The following ABCC5 variants were observed in gnomAD, a reference collection of about 807,000 sequenced individuals.
ABCC5 encodes the protein ATP binding cassette subfamily C member 5, also known as ATP-binding cassette sub-family C member 5.
ABCC5 carries 61 observed loss-of-function variants against 160.9 expected under a neutral mutation model. The ratio of observed to expected loss-of-function variants is 0.38; its 90% confidence interval spans 0.31 to 0.47. The LOEUF is 0.47. Among genes scored for constraint, ABCC5 ranks in the 20% least tolerant of loss-of-function variants. The pLI is 0.99. For missense variants in ABCC5, 1,308 were observed against 1,813.3 expected, an observed-to-expected ratio of 0.72 and a Z score of 5.06; for synonymous variants, 666 against 700.6, an observed-to-expected ratio of 0.95 and a Z score of 0.78.
At position 183,945,934 on chromosome 3, in the gene ABCC5, C is replaced by A. The variant is rs767311011; in HGVS notation, c.3420G>T (p.Thr1140=). The A allele has an allele frequency of 9.3e-6, 15 of 1,613,870 alleles. No homozygotes were observed. The highest frequency in any genetic ancestry group is 1.2e-5 in the Non-Finnish European group (14 of 1,179,796). The change falls in exon 24 of 30, where the codon ACG becomes ACT. Residue 1140 remains threonine (T), a synonymous_variant. Transcript: ENST00000334444. ...GLAISYAVQL[T]GLFQFTVRLA... ...GTCTGACCGTAAACTGGAACAGCCC[C>A]GTTAACTGATAATGGAAAACAACAA...
At chr3:183,945,802 G>A (rs974301782) in intron 24 of ABCC5, 48 bp downstream of exon 24, 9 of 1,527,410 alleles carry the variant, frequency 5.9e-6, no homozygotes, top group Non-Finnish European at 8.2e-6. Flanking sequence ...AGGGTAAACC[G>A]ACTCCAAGAG....
At position 183,981,866 on chromosome 3, in the gene ABCC5, T is replaced by C. The variant is rs750114545; in HGVS notation, c.1008A>G (p.Ala336=). 2.5e-6 allele frequency: 4 copies of C among 1,596,028 alleles called. No individual in the cohort carries two copies. In the African/African-American group the frequency reaches 4.1e-5, roughly 16 times the overall value. Residue 336 remains alanine, a synonymous_variant, in exon 8 of 30, where the codon GCA becomes GCG. Coordinates refer to ENST00000334444, the MANE Select transcript of ABCC5 (RefSeq NM_005688.4). The part of the protein sequence containing the change: ...FILFYPAMMF[A]SRLTAYFRRK... The stretch of plus-strand genomic sequence containing the variant: ...TCCTGAAATATGCTGTGAGCCGTGA[T>C]GCAAACATCTGAAAGGAAAAGCGAT...
At position 183,959,717 on chromosome 3, in the gene ABCC5, C is replaced by CA. The variant is rs1716549934; in HGVS notation, c.2482+15dup. On this transcript the variant is annotated intron_variant, in intron 17 of 29. Coordinates refer to ENST00000334444, the MANE Select transcript of ABCC5 (RefSeq NM_005688.4). Reference sequence around the variant, plus strand: ...ACTTTGATGACAAATCTAAAAATTTCAAAAAAGGCCATTACCTTCCTCTGG... The same window carrying CA: ...ACTTTGATGACAAATCTAAAAATTTCAAAAAAAGGCCATTACCTTCCTCTGG... 7.0e-6 allele frequency: 11 copies of CA among 1,574,602 alleles called. No individual in the cohort carries two copies. The highest frequency in any genetic ancestry group is 1.2e-5 in the South Asian group (1 of 85,606).
At chr3:183,969,127 C>T (rs1028381010) in intron 11 of ABCC5, among the ~76,000 whole-genome samples, 2 of 152,030 alleles carry the variant, frequency 1.3e-5, no homozygotes, top group Non-Finnish European at 2.9e-5. Flanking sequence ...GAGAAAAATG[C>T]CTGGTGCACA....
chr3:183,927,713 A>C (rs1209618397), intron 27 of ABCC5: 3 of 985,298 alleles, frequency 3.0e-6, no homozygotes, highest in South Asian at 4.7e-5. Context: ...AAATCCAGTC[A>C]CATAGTGGGC....
In ABCC5 at chr3:184,014,409, T is replaced by A. The variant is rs1200363853; in HGVS notation, c.-17A>T. 6.2e-7 allele frequency: 1 copy of A among 1,602,184 alleles called. No individual in the cohort carries two copies. Among genetic ancestry groups the A allele is most frequent in the Non-Finnish European group, 8.5e-7 (1 of 1,175,742 alleles). Reference sequence around the variant, plus strand: ...ATCCTTCATCTTCTCTGAGTGGAGGTTCCAGGGCTCACAGACTGTTAGTTT... The same window carrying A: ...ATCCTTCATCTTCTCTGAGTGGAGGATCCAGGGCTCACAGACTGTTAGTTT... On this transcript the variant is annotated 5_prime_UTR_variant, in exon 2 of 30. Coordinates refer to ENST00000334444, the MANE Select transcript of ABCC5 (RefSeq NM_005688.4).
chr3:183,970,725 C>T (rs1048565341), intron 11 of ABCC5, among the ~76,000 whole-genome samples: 120 of 152,166 alleles, frequency 7.9e-4, no homozygotes, highest in African/African-American at 2.8e-3. Flanking sequence ...GCATGAGCCA[C>T]CATGCCCAGC....
At chr3:184,013,688 T>C (rs1324342058) in intron 2 of ABCC5, among the ~76,000 whole-genome samples, 1 of 152,170 alleles carries the variant, frequency 6.6e-6, no homozygotes, top group Non-Finnish European at 1.5e-5. Flanking sequence ...ATAAGTTGTC[T>C]TCTGTTAAGT....
At chr3:183,994,269 T>C (rs912501442) in intron 2 of ABCC5, among the ~76,000 whole-genome samples, 1 of 152,216 alleles carries the variant, frequency 6.6e-6, no homozygotes, top group African/African-American at 2.4e-5. Context: ...ATGATTCAAA[T>C]ATTAGTTGTC....
intron 26 of ABCC5, among the ~76,000 whole-genome samples, chr3:183,937,332 G>A (rs563342111): frequency 2.0e-5 from 3 of 152,114 alleles, no homozygotes; most frequent in Non-Finnish European, 4.4e-5. Flanking sequence ...AGTCAAGATC[G>A]TGCCACTGCA....
chr3:183,977,665 T>C, intron 9 of ABCC5, 41 bp from the exon 10 acceptor site: 2 of 1,449,928 alleles, frequency 1.4e-6, no homozygotes, highest in Non-Finnish European at 1.9e-6. Flanking sequence ...CTAATGATGC[T>C]ATGCAACTGA....
chr3:183,965,072 C>T (rs1717091674), intron 14 of ABCC5, 113 bp downstream of exon 14: 11 of 1,082,844 alleles, frequency 1.0e-5, no homozygotes, highest in African/African-American at 1.6e-5. Context: ...CTAATGACAG[C>T]CTAACTCCCT....
At chr3:184,009,859 A>T in intron 2 of ABCC5, 1 of 283,622 alleles carries the variant, frequency 3.5e-6, no homozygotes, top group East Asian at 9.3e-5. Context: ...CAAATTTCAA[A>T]GTTTAGGGGC....
chr3:183,982,385 A>C lies in ABCC5; in HGVS notation c.999+66T>G. The C allele has an allele frequency of 6.5e-7, 1 of 1,545,106 alleles. No homozygotes were observed. Among genetic ancestry groups the C allele is most frequent in the Non-Finnish European group, 8.8e-7 (1 of 1,139,938 alleles). On this transcript the variant is annotated intron_variant, in intron 7 of 29. Coordinates refer to ENST00000334444, the MANE Select transcript of ABCC5 (RefSeq NM_005688.4). The surrounding 1 kb of genome is among the most constrained non-coding windows in gnomAD (Gnocchi z 5.2). ...GTGAGACCTCAGCAATGCCTACTATAACCCAATGGAAGTAACTCATCTCCT... is the reference window on the plus strand; with the variant it reads ...GTGAGACCTCAGCAATGCCTACTATCACCCAATGGAAGTAACTCATCTCCT...
At chr3:183,994,843 C>A (rs1271104043) in intron 2 of ABCC5, among the ~76,000 whole-genome samples, 1 of 150,808 alleles carries the variant, frequency 6.6e-6, no homozygotes, top group Non-Finnish European at 1.5e-5. Context: ...AAGTCTTTTG[C>A]CCATTTTCTA....
intron 8 of ABCC5, 29 bp from the exon 9 acceptor site, chr3:183,978,680 A>C (rs1435839624): frequency 6.2e-7 from 1 of 1,608,182 alleles, no homozygotes; most frequent in Non-Finnish European, 8.5e-7. Flanking sequence ...CCAATTTCAA[A>C]GCAAGTTAAA....
intron 8 of ABCC5, among the ~76,000 whole-genome samples, chr3:183,980,719 T>G (rs6788699): frequency 0.41 from 48,552 of 117,872 alleles, 8,190 homozygotes; most frequent in East Asian, 0.55. Flanking sequence ...GTTTTGTTTT[T>G]TTTTTTTTTT....
chr3:183,985,295 T>C, intron 5 of ABCC5: 1 of 1,612,416 alleles, frequency 6.2e-7, no homozygotes, highest in East Asian at 2.2e-5. Flanking sequence ...TGAATAAACA[T>C]TACCTTACCT....
intron 25 of ABCC5, 146 bp from the exon 26 acceptor site, chr3:183,938,206 G>T: frequency 2.5e-6 from 2 of 812,050 alleles, no homozygotes; most frequent in Non-Finnish European, 1.9e-6. Context: ...TGTATAAAAT[G>T]ATAGAAAAAT....
Sources: allele counts gnomAD v4.1 joint callset (sites outside exome capture counted in the v4.1 genomes callset), GRCh38; gene constraint gnomAD v4.1.1; non-coding constraint Gnocchi (gnomAD v3.1); transcripts MANE v1.5; gene names NCBI Gene and HGNC (gene_info 2026-07-23, HGNC 2026-07-21).